The following HMCN1 variants were observed in gnomAD, a reference collection of about 807,000 sequenced individuals.
HMCN1 encodes hemicentin-1.
HMCN1 carries 321 observed loss-of-function variants against 625.9 expected under a neutral mutation model. The ratio of observed to expected loss-of-function variants is 0.51; its 90% confidence interval spans 0.47 to 0.56. HMCN1 has a LOEUF of 0.56. HMCN1 is among the 20% of genes least tolerant of loss of function. The pLI is 0.00. For missense variants in HMCN1, 6,588 were observed against 6,887.3 expected (o/e 0.96, Z 1.54); for synonymous variants, 2,425 against 2,417.6 (o/e 1.00, Z -0.09).
chr1:185,842,201 T>G (rs1661516864), intron 1 of HMCN1, among the ~76,000 whole-genome samples: 1 of 152,190 alleles, frequency 6.6e-6, no homozygotes, highest in South Asian at 2.1e-4. Flanking sequence ...TCCATGTTCA[T>G]TCATCTTTAT....
chr1:186,095,650 A>T (rs562945995), intron 68 of HMCN1, 129 bp downstream of exon 68: 9,845 of 887,228 alleles, frequency 0.011, 125 homozygotes, highest in Middle Eastern at 0.022. Context: ...TTGCATTTTA[A>T]TTTTTTTTAT....
chr1:186,065,057 A>C (rs954915865), intron 48 of HMCN1, among the ~76,000 whole-genome samples, 181 bp from the exon 49 acceptor site: 1 of 152,178 alleles, frequency 6.6e-6, no homozygotes, highest in Non-Finnish European at 1.5e-5. Context: ...TTTTAAAGTC[A>C]ACATAACCAT....
intron 17 of HMCN1, 139 bp from the exon 18 acceptor site, chr1:185,982,122 AC>A (rs1651682425): frequency 2.4e-6 from 2 of 834,032 alleles, no homozygotes; most frequent in East Asian, 2.4e-5. Context: ...TCAAAATCAT[AC>A]CCATTTTCAT....
At chr1:186,138,061 G>A in intron 89 of HMCN1, 89 bp downstream of exon 89, 1 of 1,371,940 alleles carries the variant, frequency 7.3e-7, no homozygotes, top group Non-Finnish European at 1.0e-6. Flanking sequence ...CTTCTTCATT[G>A]TAAAAAGATG....
chr1:185,903,323 T>A (rs532726951), intron 4 of HMCN1, among the ~76,000 whole-genome samples: 11 of 151,906 alleles, frequency 7.2e-5, no homozygotes, highest in South Asian at 4.1e-4. Context: ...TGAGAGTTCC[T>A]CTTTTCACTA....
At chr1:185,950,550 G>A (rs1668596262) in intron 11 of HMCN1, among the ~76,000 whole-genome samples, 1 of 151,796 alleles carries the variant, frequency 6.6e-6, no homozygotes. Context: ...AGATCAGTCG[G>A]ACACAATTGG....
At chr1:186,149,347 A>ATGTGCT (rs375186165) in intron 93 of HMCN1, among the ~76,000 whole-genome samples, 1 of 152,310 alleles carries the variant, frequency 6.6e-6, no homozygotes, top group African/African-American at 2.4e-5. Context: ...CTACATCAGC[A>ATGTGCT]TGTGCTGTTC....
rs551363191 is a variant in HMCN1, at chr1:185,773,967, T to C, written c.268+38920T>C. On this transcript the variant is annotated intron_variant, in intron 1 of 106. Coordinates refer to ENST00000271588, the MANE Select transcript of HMCN1 (RefSeq NM_031935.3). ...TGAGTGTGAGAATAAGAAAATGTAA[T>C]GAAAGACTTGTTAAAAGGATTCAGA... is the stretch of plus-strand genomic sequence containing the variant. 5.3e-5 allele frequency among the ~76,000 whole-genome samples: 8 copies of C among 152,228 alleles called. No homozygotes were observed. In the East Asian group the frequency reaches 1.5e-3, roughly 29 times the overall value.
Position 185,860,568 on chromosome 1 carries a change from C to A in HMCN1, c.340-3902C>A, listed in dbSNP as rs142255592. Among the ~76,000 whole-genome samples, 188 of 152,234 alleles carry A rather than the reference C, an allele frequency of 1.2e-3. 1 individual carries two copies. Among genetic ancestry groups the A allele is most frequent in the African/African-American group, 1.6e-3 (66 of 41,560 alleles). ...CAAAGGATCCTCCCACCTCAGCCCC[C>A]CAAGTAGCTGGGACAACAGGCATGC... On this transcript the variant is annotated intron_variant, in intron 2 of 106. Coordinates refer to ENST00000271588, the MANE Select transcript of HMCN1 (RefSeq NM_031935.3).
intron 100 of HMCN1, among the ~76,000 whole-genome samples, chr1:186,167,942 T>A (rs1478134764): frequency 6.6e-6 from 1 of 152,104 alleles, no homozygotes; most frequent in African/African-American, 2.4e-5. Flanking sequence ...TATCAGGATT[T>A]TTCATAGAGG....
rs553343826 is a variant in HMCN1, at chr1:186,103,348, T to A, written c.10574-124T>A. 3.9e-6 allele frequency: 3 copies of A among 775,040 alleles called. No individual in the cohort carries two copies. In the South Asian group the frequency reaches 4.7e-5, roughly 12 times the overall value. 48.0% of individuals were successfully genotyped at this position (775,040 alleles called of 1,614,324 possible). ...TAATGACATCTAGGAATTATTTCAC[T>A]TTCCTTGTTCTAATCAATTTTTATC... On this transcript the variant is annotated intron_variant, in intron 68 of 106. Transcript: ENST00000271588.
intron 11 of HMCN1, among the ~76,000 whole-genome samples, chr1:185,951,883 A>G (rs1200140509): frequency 6.6e-6 from 1 of 151,810 alleles, no homozygotes; most frequent in Admixed American, 6.6e-5. Context: ...AGGAATTGCA[A>G]CTTTTTTCTG....
intron 9 of HMCN1, 43 bp downstream of exon 9, chr1:185,925,234 A>T: frequency 6.4e-7 from 1 of 1,554,916 alleles, no homozygotes; most frequent in Non-Finnish European, 8.9e-7. Flanking sequence ...AGCATTTAAC[A>T]TGTAAATATA....
At chr1:186,082,007 T>G (rs1020152100) in intron 56 of HMCN1, among the ~76,000 whole-genome samples, 2 of 152,168 alleles carry the variant, frequency 1.3e-5, no homozygotes, top group Non-Finnish European at 2.9e-5. Flanking sequence ...ATAGGACATA[T>G]CTCATGGAAT....
intron 93 of HMCN1, among the ~76,000 whole-genome samples, chr1:186,147,998 T>G (rs934396799): frequency 3.3e-5 from 5 of 152,230 alleles, no homozygotes; most frequent in African/African-American, 1.2e-4. Context: ...TAGTGGACAA[T>G]GCTGTTAAAT....
intron 2 of HMCN1, among the ~76,000 whole-genome samples, chr1:185,862,382 G>C (rs982396852): frequency 6.6e-6 from 1 of 152,078 alleles, no homozygotes; most frequent in African/African-American, 2.4e-5. Flanking sequence ...GGAAGGGACA[G>C]ATTTATGGAA....
At chr1:185,887,811 G>A (rs1002851292) in intron 4 of HMCN1, among the ~76,000 whole-genome samples, 7 of 138,970 alleles carry the variant, frequency 5.0e-5, no homozygotes, top group African/African-American at 1.6e-4. Flanking sequence ...ATAGTCCTTT[G>A]GGTATATACC....
chr1:186,015,398 G>A lies in HMCN1; in HGVS notation c.4870G>A (p.Ala1624Thr). Residue 1624 changes from alanine to threonine, a missense_variant, in exon 31 of 107, where the codon GCT (alanine) becomes ACT (threonine). Physicochemically the swap from Ala to Thr is moderately conservative, Grantham distance 58. Coordinates refer to ENST00000271588, the MANE Select transcript of HMCN1 (RefSeq NM_031935.3). The stretch of plus-strand genomic sequence containing the variant: ...ATATACGTGTCATGTAGCCAATGTT[G>A]CTGGAACTGCTGAAAAATCATTCCA... ...ATYTCHVANV[A>T]GTAEKSFHVD... is the part of the protein sequence containing the mutation. 6.2e-7 allele frequency: 1 copy of A among 1,613,580 alleles called. No individual in the cohort carries two copies. Among genetic ancestry groups the A allele is most frequent in the South Asian group, 1.1e-5 (1 of 91,072 alleles).
chr1:186,034,988 T>C (rs1291130869), intron 36 of HMCN1, among the ~76,000 whole-genome samples: 2 of 152,200 alleles, frequency 1.3e-5, no homozygotes, highest in South Asian at 2.1e-4. Context: ...CATAGTGTTT[T>C]ATTGCAGCAG....
Sources: allele counts gnomAD v4.1 joint callset (sites outside exome capture counted in the v4.1 genomes callset), GRCh38; gene constraint gnomAD v4.1.1; transcripts MANE v1.5; gene names NCBI Gene and HGNC (gene_info 2026-07-23, HGNC 2026-07-21).